PSMA8: variants seen among roughly 807,000 people sequenced by gnomAD.
PSMA8 encodes proteasome subunit alpha-type 8.
PSMA8 carries 18 observed loss-of-function variants against 32.4 expected under a neutral mutation model. The observed-to-expected ratio is 0.56, with a 90% CI of 0.38 to 0.82. PSMA8 has a LOEUF of 0.82. Ranked by LOEUF, PSMA8 falls within the 40% of genes least tolerant of loss-of-function variation. The pLI, the probability that PSMA8 is intolerant of heterozygous loss-of-function variation, is 0.00. For missense variants in PSMA8, 298 were observed against 300.7 expected (o/e 0.99, Z 0.07); for synonymous variants, 104 against 98.1 (o/e 1.06, Z -0.36).
In PSMA8 at chr18:26,192,309, C is replaced by G. The variant is rs1568074949; in HGVS notation, c.661-10C>G. On this transcript the variant is annotated splice_polypyrimidine_tract_variant and intron_variant, in intron 6 of 6. Coordinates refer to ENST00000415576, the MANE Select transcript of PSMA8 (RefSeq NM_001025096.2). ...TGACATTTGATCTTTAAATTTTTTT[C>G]TCTTTTCAGATGTTTAGTGCAAAAG... 6.8e-7 allele frequency: 1 copy of G among 1,472,156 alleles called. No homozygotes were observed. The highest frequency in any genetic ancestry group is 8.9e-7 in the Non-Finnish European group (1 of 1,117,448). The allele number at this position is 1,472,156 out of a possible 1,614,324, so 91.2% of individuals were successfully genotyped here.
Position 26,147,797 on chromosome 18 carries a change from A to T in PSMA8, c.229+3112A>T, listed in dbSNP as rs1598646154. ...GTTGGTTCTTTGAAAAGATCAACAAAACTGACAACTCTTTAGCTAGATTGA... is the reference window on the plus strand; with the variant it reads ...GTTGGTTCTTTGAAAAGATCAACAATACTGACAACTCTTTAGCTAGATTGA... On this transcript the variant is annotated intron_variant, in intron 2 of 6. Coordinates refer to ENST00000415576, the MANE Select transcript of PSMA8 (RefSeq NM_001025096.2). 2.6e-5 allele frequency among the ~76,000 whole-genome samples: 4 copies of T among 152,322 alleles called. 1 individual carries two copies. The East Asian group carries it at 7.7e-4, about 29-fold the overall frequency.
intron 1 of PSMA8, 78 bp downstream of exon 1, chr18:26,134,145 T>C (rs7235001): frequency 0.14 from 143,457 of 1,022,132 alleles, 19,666 homozygotes; most frequent in African/African-American, 0.61. Context: ...CCAGCCCACC[T>C]TTCCATCCTA....
chr18:26,162,725 G>T (rs568489080), intron 4 of PSMA8, among the ~76,000 whole-genome samples: 1 of 152,172 alleles, frequency 6.6e-6, no homozygotes, highest in South Asian at 2.1e-4. Context: ...AATTAGCCAG[G>T]CGCAGTGGCA....
intron 3 of PSMA8, among the ~76,000 whole-genome samples, chr18:26,155,056 GA>G (rs1375597288): frequency 6.6e-6 from 1 of 152,040 alleles, no homozygotes; most frequent in Admixed American, 6.6e-5. Context: ...GCAAAATGGT[GA>G]AACCTCATCT....
Position 26,170,986 on chromosome 18 carries a change from TA to T in PSMA8, c.478-7842del, listed in dbSNP as rs2055216037. 23 of 1,555,962 alleles carry T rather than the reference TA, an allele frequency of 1.5e-5. 3 individuals carry two copies. In the East Asian group the frequency reaches 5.3e-4, roughly 36 times the overall value. ...TTATTTGCTAATTCTGGTTGTTCAG[TA>T]AGTTTTAAGGCATCATCTAGACTTC... On this transcript the variant is annotated intron_variant, in intron 4 of 6. Transcript: ENST00000415576.
chr18:26,177,041 T>C (rs576461184), intron 4 of PSMA8, among the ~76,000 whole-genome samples: 1 of 152,194 alleles, frequency 6.6e-6, no homozygotes, highest in Non-Finnish European at 1.5e-5. Context: ...TACTCTGTAA[T>C]CATCCTAGGA....
intron 4 of PSMA8, among the ~76,000 whole-genome samples, chr18:26,162,851 G>A (rs904684000): frequency 6.6e-6 from 1 of 152,060 alleles, no homozygotes; most frequent in African/African-American, 2.4e-5. Context: ...GGACAACAGA[G>A]CAAGACTCCA....
At chr18:26,139,395 G>A (rs1273770191) in intron 1 of PSMA8, among the ~76,000 whole-genome samples, 2 of 152,198 alleles carry the variant, frequency 1.3e-5, no homozygotes, top group African/African-American at 4.8e-5. Context: ...GTTGAGCCTA[G>A]AGATGCATGC....
At chr18:26,161,290 C>T (rs151197349) in intron 4 of PSMA8, among the ~76,000 whole-genome samples, 27 of 152,284 alleles carry the variant, frequency 1.8e-4, no homozygotes, top group African/African-American at 4.8e-4. Flanking sequence ...ACATCTATTC[C>T]TTAGTTCCTA....
chr18:26,185,008 A>T (rs2055341712), intron 6 of PSMA8, among the ~76,000 whole-genome samples: 1 of 147,668 alleles, frequency 6.8e-6, no homozygotes, highest in African/African-American at 2.5e-5. Flanking sequence ...GAATCGCTTG[A>T]ACCGGGAGAC....
At chr18:26,153,341 A>G (rs1480988177) in intron 3 of PSMA8, among the ~76,000 whole-genome samples, 1 of 151,916 alleles carries the variant, frequency 6.6e-6, no homozygotes, top group Non-Finnish European at 1.5e-5. Flanking sequence ...ATATTGTTAA[A>G]TTTATTTTTT....
At chr18:26,169,523 C>T (rs1334076968) in intron 4 of PSMA8, among the ~76,000 whole-genome samples, 1 of 129,836 alleles carries the variant, frequency 7.7e-6, no homozygotes, top group East Asian at 2.2e-4. Context: ...CATGTGTGGC[C>T]TTATACTTTT....
At chr18:26,184,306 G>A (rs929427919) in intron 6 of PSMA8, among the ~76,000 whole-genome samples, 5 of 150,536 alleles carry the variant, frequency 3.3e-5, no homozygotes, top group Non-Finnish European at 7.4e-5. Context: ...TAAAAAGAAC[G>A]TAAAGAATGT....
intron 3 of PSMA8, among the ~76,000 whole-genome samples, chr18:26,155,630 C>T (rs565397178): frequency 6.6e-6 from 1 of 152,186 alleles, no homozygotes; most frequent in Non-Finnish European, 1.5e-5. Flanking sequence ...GTCTCTCTCT[C>T]ACCATATACA....
intron 6 of PSMA8, among the ~76,000 whole-genome samples, chr18:26,191,607 T>A (rs1252456168): frequency 6.6e-6 from 1 of 151,696 alleles, no homozygotes; most frequent in Non-Finnish European, 1.5e-5. Flanking sequence ...ATCACTGCAG[T>A]CCAGCCTGGG....
At chr18:26,162,939 T>G (rs1194222295) in intron 4 of PSMA8, among the ~76,000 whole-genome samples, 1 of 151,994 alleles carries the variant, frequency 6.6e-6, no homozygotes, top group Non-Finnish European at 1.5e-5. Flanking sequence ...AATAAGCATG[T>G]GAGTTGATAA....
rs1005058996 is a variant in PSMA8 at position 26,147,410 on chromosome 18, CA to C, written c.229+2728del. Reference sequence around the variant, plus strand: ...ATGAACAGATATCTTGAGAGAAAGGCAAATAAAAGCACAACATATCAAAACT... The same window carrying C: ...ATGAACAGATATCTTGAGAGAAAGGCAATAAAAGCACAACATATCAAAACT... On this transcript the variant is annotated intron_variant, in intron 2 of 6. Coordinates refer to ENST00000415576, the MANE Select transcript of PSMA8 (RefSeq NM_001025096.2). 4.8e-4 allele frequency among the ~76,000 whole-genome samples: 73 copies of C among 151,634 alleles called. 1 individual carries two copies. The highest frequency in any genetic ancestry group is 1.8e-3 in the African/African-American group (73 of 41,324).
intron 2 of PSMA8, among the ~76,000 whole-genome samples, chr18:26,151,634 A>C (rs1290546766): frequency 6.6e-6 from 1 of 152,226 alleles, no homozygotes; most frequent in Non-Finnish European, 1.5e-5. Context: ...TTATTCTTTA[A>C]AACATCTATA....
chr18:26,179,613 A>G (rs1187806705), intron 6 of PSMA8, among the ~76,000 whole-genome samples: 1 of 152,182 alleles, frequency 6.6e-6, no homozygotes, highest in Non-Finnish European at 1.5e-5. Context: ...ACTACAAAAT[A>G]AAATGTTCAG....
Sources: allele counts gnomAD v4.1 joint callset (sites outside exome capture counted in the v4.1 genomes callset), GRCh38; gene constraint gnomAD v4.1.1; transcripts MANE v1.5; gene names NCBI Gene and HGNC (gene_info 2026-07-23, HGNC 2026-07-21).